Variants in GJB7 observed in about 807,000 individuals in gnomAD.
GJB7 encodes gap junction protein beta 7.
For synonymous variants in GJB7, 87 were observed against 95.2 expected (o/e 0.91, Z 0.50); for missense variants, 253 against 256.8 (o/e 0.99, Z 0.10).
intron 1 of GJB7, among the ~76,000 whole-genome samples, chr6:87,324,094 G>A (rs1165905758): frequency 6.6e-6 from 1 of 151,604 alleles, no homozygotes; most frequent in Admixed American, 6.6e-5. Flanking sequence ...GTCTGTTCAT[G>A]TCCTTCGCCC....
At chr6:87,312,512 A>G (rs964525925) in intron 2 of GJB7, among the ~76,000 whole-genome samples, 3 of 85,132 alleles carry the variant, frequency 3.5e-5, no homozygotes, top group Non-Finnish European at 7.2e-5. Context: ...CTCTGTCTAC[A>G]AAAAAAAAAA....
At chr6:87,308,912 A>G (rs1776473204) in intron 2 of GJB7, among the ~76,000 whole-genome samples, 1 of 152,208 alleles carries the variant, frequency 6.6e-6, no homozygotes, top group African/African-American at 2.4e-5. Flanking sequence ...AAGAATTGCA[A>G]TCTAAATTTA....
chr6:87,311,249 T>C (rs1776509755), intron 2 of GJB7, among the ~76,000 whole-genome samples: 1 of 152,184 alleles, frequency 6.6e-6, no homozygotes, highest in South Asian at 2.1e-4. Flanking sequence ...TTGAATCTAT[T>C]AAAATTGAAC....
chr6:87,284,198 G>C lies in GJB7; in HGVS notation c.*43C>G. 1 of 1,493,080 alleles carries C rather than the reference G, an allele frequency of 6.7e-7. No individual in the cohort carries two copies. The highest frequency in any genetic ancestry group is 9.2e-7 in the Non-Finnish European group (1 of 1,086,898). 92.5% of individuals were successfully genotyped at this position (1,493,080 alleles called of 1,614,324 possible). A position where few individuals can be genotyped will look rare whatever the true frequency, so the allele number is the denominator to read the frequency against. On this transcript the variant is annotated 3_prime_UTR_variant, in exon 3 of 3. Coordinates refer to ENST00000525899, the MANE Select transcript of GJB7 (RefSeq NM_198568.3). ...TGTGAAGATTCTGGAGTAGGGGAGG[G>C]GTCCCTCTCCTACCACATTCAACAT...
chr6:87,291,581 T>G (rs1361444339), intron 2 of GJB7, among the ~76,000 whole-genome samples: 3 of 152,156 alleles, frequency 2.0e-5, no homozygotes, highest in African/African-American at 4.8e-5. Flanking sequence ...CCCTCACACT[T>G]TTTGCTCAGG....
intron 2 of GJB7, among the ~76,000 whole-genome samples, chr6:87,304,815 A>C (rs1776396388): frequency 1.3e-5 from 2 of 152,234 alleles, no homozygotes; most frequent in Admixed American, 1.3e-4. Flanking sequence ...CACATCAAAA[A>C]GCTTATCAAC....
At chr6:87,321,950 G>A (rs1011602356) in intron 2 of GJB7, among the ~76,000 whole-genome samples, 4 of 152,188 alleles carry the variant, frequency 2.6e-5, no homozygotes, top group Middle Eastern at 3.2e-3. Context: ...TCGGCCCCAT[G>A]ATTCAGTGAC....
chr6:87,323,326 A>G (rs1776719442), intron 1 of GJB7, among the ~76,000 whole-genome samples: 1 of 152,152 alleles, frequency 6.6e-6, no homozygotes, highest in Non-Finnish European at 1.5e-5. Context: ...CACAATGTGC[A>G]GGTTAGTTAC....
At chr6:87,318,438 T>G (rs929901215) in intron 2 of GJB7, among the ~76,000 whole-genome samples, 4 of 152,202 alleles carry the variant, frequency 2.6e-5, no homozygotes, top group Admixed American at 2.0e-4. Flanking sequence ...AGAGTTCAGC[T>G]GATCTGGGCA....
At chr6:87,301,171 G>A (rs536659532) in intron 2 of GJB7, among the ~76,000 whole-genome samples, 15 of 152,180 alleles carry the variant, frequency 9.9e-5, no homozygotes, top group East Asian at 3.9e-4. Flanking sequence ...GGGGCTTGTC[G>A]GACAGTGGGT....
At position 87,325,631 on chromosome 6, in the gene GJB7, G is replaced by T. The variant is rs548906927; in HGVS notation, c.-205-2588C>A. 6.6e-5 allele frequency among the ~76,000 whole-genome samples: 10 copies of T among 151,252 alleles called. No individual in the cohort carries two copies. The East Asian group carries it at 1.9e-3, about 29-fold the overall frequency. ...GGGATGAAGCCCACTTGATCATGGT[G>T]GATAAGCTTTTTGATGTGCTGCTGG... is the stretch of plus-strand genomic sequence containing the variant. On this transcript the variant is annotated intron_variant, in intron 1 of 2. Coordinates refer to ENST00000525899, the MANE Select transcript of GJB7 (RefSeq NM_198568.3).
chr6:87,308,889 C>T (rs529514308), intron 2 of GJB7, among the ~76,000 whole-genome samples: 44 of 152,180 alleles, frequency 2.9e-4, no homozygotes, highest in African/African-American at 1.0e-3. Context: ...ACATATATGA[C>T]GTGCTGAAAG....
chr6:87,302,509 CA>C (rs1776348472), intron 2 of GJB7, among the ~76,000 whole-genome samples: 1 of 152,102 alleles, frequency 6.6e-6, no homozygotes, highest in African/African-American at 2.4e-5. Context: ...ACAAAGCCTC[CA>C]AGAAATATGG....
At chr6:87,328,302 C>T (rs1008191575) in intron 1 of GJB7, among the ~76,000 whole-genome samples, 20 of 152,198 alleles carry the variant, frequency 1.3e-4, no homozygotes, top group African/African-American at 2.4e-4. Context: ...TGAGGAACTG[C>T]GTTCCTTTGG....
chr6:87,320,604 T>C (rs893929231), intron 2 of GJB7, among the ~76,000 whole-genome samples: 5 of 152,218 alleles, frequency 3.3e-5, no homozygotes, highest in Non-Finnish European at 5.9e-5. Flanking sequence ...AGCTTGATTT[T>C]ATACATTTTA....
rs373703499 is a variant in GJB7 at position 87,318,824 on chromosome 6, A to C, written c.-28+4042T>G. On this transcript the variant is annotated intron_variant, in intron 2 of 2. Coordinates refer to ENST00000525899, the MANE Select transcript of GJB7 (RefSeq NM_198568.3). ...ATCCTTGGCTCACATTGATCATATC[A>C]ACTACTTTGGCTTGGCTTTCTGGTA... is the stretch of plus-strand genomic sequence containing the variant. Among the ~76,000 whole-genome samples, 53 of 152,296 alleles carry C rather than the reference A, an allele frequency of 3.5e-4. 2 individuals are homozygous for C. The South Asian group carries it at 1.0e-2, about 29-fold the overall frequency.
chr6:87,326,784 T>C (rs374418134), intron 1 of GJB7, among the ~76,000 whole-genome samples: 3 of 118,060 alleles, frequency 2.5e-5, no homozygotes, highest in Middle Eastern at 3.8e-3. Context: ...CTATTAGGTC[T>C]GCTTGGTGCA....
At chr6:87,313,875 A>G (rs1313355487) in intron 2 of GJB7, among the ~76,000 whole-genome samples, 1 of 152,188 alleles carries the variant, frequency 6.6e-6, no homozygotes, top group Admixed American at 6.5e-5. Context: ...TGAGAATGGG[A>G]TCTTGTAATC....
At chr6:87,286,180 A>G (rs1776056589) in intron 2 of GJB7, among the ~76,000 whole-genome samples, 1 of 152,086 alleles carries the variant, frequency 6.6e-6, no homozygotes, top group Admixed American at 6.6e-5. Context: ...GACTCTCCCT[A>G]AACCTACACA....
Sources: allele counts gnomAD v4.1 joint callset (sites outside exome capture counted in the v4.1 genomes callset), GRCh38; gene constraint gnomAD v4.1.1; transcripts MANE v1.5; gene names NCBI Gene and HGNC (gene_info 2026-07-23, HGNC 2026-07-21).